Variants in NR0B1 observed in about 807,000 individuals in gnomAD.
NR0B1 encodes DSS-AHC critical region on the X chromosome protein 1.
Under a neutral mutation model 23.0 loss-of-function variants are expected in NR0B1, and 3 were observed. The ratio of observed to expected loss-of-function variants is 0.13; its 90% CI spans 0.06 to 0.34. The LOEUF (loss-of-function observed/expected upper bound fraction) is 0.34. NR0B1 is among the 10% of genes least tolerant of loss of function. NR0B1 has a pLI of 1.00. For missense variants in NR0B1, 350 were observed against 402.9 expected (o/e 0.87, Z 1.12); for synonymous variants, 205 against 184.0 (o/e 1.11, Z -0.92).
Position 30,308,595 on chromosome X carries a change from C to G in NR0B1, c.769G>C (p.Ala257Pro). Residue 257 changes from alanine (A) to proline (P), a missense_variant, in exon 1 of 2, where the codon GCA (alanine) becomes CCA (proline). This residue lies in a region of NR0B1 where 298 missense variants were observed against 314.0 expected (regional missense o/e 0.95). Coordinates refer to ENST00000378970, the MANE Select transcript of NR0B1 (RefSeq NM_000475.5). Reference protein sequence around the residue: ...ALKSPQVVCEAASAGLLKTLR... With the variant: ...ALKSPQVVCEPASAGLLKTLR... ...GTCTTCAACAGGCCCGCTGAGGCTG[C>G]CTCGCAGACCACCTGTGGACTCTTG... 8.3e-7 allele frequency: 1 copy of G among 1,208,378 alleles called. No individual in the cohort carries two copies. Among genetic ancestry groups the G allele is most frequent in the Non-Finnish European group, 1.1e-6 (1 of 894,605 alleles).
At position 30,304,657 on chromosome X, in the gene NR0B1, A is replaced by G; in HGVS notation, c.1335T>C (p.Ala445=). ...CGATGATGGGCCTGAAGAACAGTTC[A>G]GCAATGACATTGGCATTGATGAATC... ...LLRFINANVI[A]ELFFRPIIGT... is the part of the protein sequence containing the mutation. The change falls in exon 2 of 2, where the codon GCT becomes GCC. Residue 445 remains alanine (A), a synonymous_variant. Transcript: ENST00000378970. The G allele has an allele frequency of 8.3e-7, 1 of 1,210,138 alleles. No homozygotes were observed. The highest frequency in any genetic ancestry group is 1.1e-6 in the Non-Finnish European group (1 of 894,345).
At chrX:30,304,912 C>A in intron 1 of NR0B1, 89 bp from the exon 2 acceptor site, 1 of 1,082,003 alleles carries the variant, frequency 9.2e-7, no homozygotes, top group Non-Finnish European at 1.2e-6. Context: ...TGTTTCATCC[C>A]AATTAAACAA....
At chrX:30,306,577 A>ATGTGTGTGTGTGTGTGTG (rs58777171) in intron 1 of NR0B1, among the ~76,000 whole-genome samples, 19 of 92,335 alleles carry the variant, frequency 2.1e-4, no homozygotes, top group East Asian at 7.6e-4. Flanking sequence ...ATAAGGAAGA[A>ATGTGTGTGTGTGTGTGTG]TGTGTGTGTG....
rs772845875 is a variant in NR0B1 at position 30,304,373 on chromosome X, G to T, written c.*206C>A. The T allele has an allele frequency of 2.4e-6, 1 of 417,157 alleles. No homozygotes were observed. The highest frequency in any genetic ancestry group is 4.4e-5 in the East Asian group (1 of 22,739). The allele number at this position is 417,157 out of a possible 1,213,427, so 34.4% of individuals were successfully genotyped here. On this transcript the variant is annotated 3_prime_UTR_variant, in exon 2 of 2. Coordinates refer to ENST00000378970, the MANE Select transcript of NR0B1 (RefSeq NM_000475.5). ...AAAGATGTACAGAGCTATGCTACCT[G>T]TTGGCAAATGTCTTCTTTAACTATG...
chrX:30,304,996 T>C (rs1174546713), intron 1 of NR0B1, among the ~76,000 whole-genome samples, 173 bp from the exon 2 acceptor site: 1 of 112,712 alleles, frequency 8.9e-6, no homozygotes, highest in Non-Finnish European at 1.9e-5. Context: ...TGTCCAAGAA[T>C]GAAACATCAT....
chrX:30,308,085 C>T (rs1926556358), intron 1 of NR0B1, 111 bp downstream of exon 1: 1 of 624,301 alleles, frequency 1.6e-6, no homozygotes, highest in Non-Finnish European at 2.7e-6. Flanking sequence ...CACCTTTGCC[C>T]CGACACTCTC....
intron 1 of NR0B1, 69 bp downstream of exon 1, chrX:30,308,127 C>T: frequency 1.1e-6 from 1 of 898,794 alleles, no homozygotes; most frequent in Non-Finnish European, 1.6e-6. Context: ...CTGCCCGCGC[C>T]CCTAGATAGG....
In NR0B1 at chrX:30,308,376, C is replaced by T; in HGVS notation, c.988G>A (p.Gly330Ser). The change falls in exon 1 of 2, where the codon GGC (glycine) becomes AGC (serine). Residue 330 changes from glycine (G) to serine (S), a missense_variant. Transcript: ENST00000378970. ...GTGGGCACGGGCAGTGGCTCGTTGC[C>T]CCCGGTCTCCCGCCGCCTGGTGGTG... Reference protein sequence around the residue: ...ILTTRRRETGGNEPLPVPTLQ... With the variant: ...ILTTRRRETGSNEPLPVPTLQ... 1 of 1,209,678 alleles carries T rather than the reference C, an allele frequency of 8.3e-7. No homozygotes were observed. The highest frequency in any genetic ancestry group is 1.1e-6 in the Non-Finnish European group (1 of 894,353).
At chrX:30,305,607 A>C in intron 1 of NR0B1, 1 of 267,080 alleles carries the variant, frequency 3.7e-6, no homozygotes. Context: ...TTGTAATAGA[A>C]AACACATGAC....
Position 30,308,831 on chromosome X carries a change from G to C in NR0B1, c.533C>G (p.Ala178Gly). ...GGAWWDRSYF[A>G]QRPGGKEALP... ...CGCCTCTTTACCCCCTGGCCTCTGC[G>C]CGAAGTAGGAGCGGTCCCACCACGC... is the stretch of plus-strand genomic sequence containing the variant. The change falls in exon 1 of 2, where the codon GCG (alanine) becomes GGG (glycine). Residue 178 changes from alanine (A) to glycine (G), a missense_variant. By Grantham distance (60) the Ala-to-Gly change is moderately conservative. Around this residue, in one of 2 missense-constraint regions of NR0B1, gnomAD observed 298 missense variants for 314.0 expected, o/e 0.95. Transcript: ENST00000378970. The C allele has an allele frequency of 8.6e-7, 1 of 1,166,313 alleles. No individual in the cohort carries two copies. The highest frequency in any genetic ancestry group is 1.1e-6 in the Non-Finnish European group (1 of 873,142).
In NR0B1 at chrX:30,308,878, C is replaced by A; in HGVS notation, c.486G>T (p.Ala162=). ...SSKQTHVAPA[A]PEARPGGAWW... ...ACGCGCCCCCTGGCCGTGCCTCGGG[C>A]GCTGCCGGAGCCACGTGCGTTTGCT... The change falls in exon 1 of 2, where the codon GCG becomes GCT. Residue 162 remains alanine (A), a synonymous_variant. Transcript: ENST00000378970. The A allele has an allele frequency of 8.5e-7, 1 of 1,174,795 alleles. No homozygotes were observed. Among genetic ancestry groups the A allele is most frequent in the Non-Finnish European group, 1.1e-6 (1 of 876,315 alleles).
intron 1 of NR0B1, among the ~76,000 whole-genome samples, chrX:30,305,171 A>G (rs1194876543): frequency 8.9e-6 from 1 of 112,779 alleles, no homozygotes; most frequent in Non-Finnish European, 1.9e-5. Context: ...TGATATTTCA[A>G]GAGGTGGGCA....
chrX:30,308,990 G>A lies in NR0B1; in HGVS notation c.374C>T (p.Pro125Leu), dbSNP rs200931483. The part of the protein sequence containing the change: ...VGRAGLPGGR[P>L]VALLYRCCFC... ...GCAGCAGCGGTACAGGAGTGCCACGGGCCGCCCACCCGGAAGCCCCGCTCT... is the reference window on the plus strand; with the variant it reads ...GCAGCAGCGGTACAGGAGTGCCACGAGCCGCCCACCCGGAAGCCCCGCTCT... The change falls in exon 1 of 2, where the codon CCC becomes CTC. Residue 125 changes from proline (P) to leucine (L), a missense_variant. Pro to Leu is a moderately conservative substitution (Grantham distance 98). Coordinates refer to ENST00000378970, the MANE Select transcript of NR0B1 (RefSeq NM_000475.5). 5.0e-6 allele frequency: 6 copies of A among 1,201,429 alleles called. No individual in the cohort carries two copies. Among genetic ancestry groups the A allele is most frequent in the Non-Finnish European group, 6.7e-6 (6 of 892,345 alleles).
chrX:30,304,574 T>G lies in NR0B1; in HGVS notation c.*5A>C. On this transcript the variant is annotated 3_prime_UTR_variant, in exon 2 of 2. Transcript: ENST00000378970. ...CACTACTGCACTTGTGTGGCCCACA[T>G]GACTTTATATCTTTGTACAGAGCAT... is the stretch of plus-strand genomic sequence containing the variant. 2.5e-6 allele frequency: 3 copies of G among 1,211,741 alleles called. No homozygotes were observed. Among genetic ancestry groups the G allele is most frequent in the Non-Finnish European group, 3.4e-6 (3 of 895,365 alleles).
At chrX:30,308,154 T>C (rs757946796) in intron 1 of NR0B1, 42 bp downstream of exon 1, 9 of 1,103,917 alleles carry the variant, frequency 8.2e-6, no homozygotes, top group Middle Eastern at 2.4e-4. Flanking sequence ...CCGATGCTTT[T>C]GTGAGCTGGG....
At chrX:30,306,183 C>T (rs1926513595) in intron 1 of NR0B1, among the ~76,000 whole-genome samples, 1 of 111,108 alleles carries the variant, frequency 9.0e-6, no homozygotes, top group African/African-American at 3.3e-5. Flanking sequence ...TGAAGCTTCT[C>T]TAGGTCTAGA....
rs371576376 is a variant in NR0B1, at chrX:30,308,302, G to T, written c.1062C>A (p.Ser354=). 4 of 1,208,972 alleles carry T rather than the reference G, an allele frequency of 3.3e-6. No homozygotes were observed. The highest frequency in any genetic ancestry group is 4.5e-6 in the Non-Finnish European group (4 of 893,832). Residue 354 remains serine (S), a synonymous_variant, in exon 1 of 2, where the codon TCC becomes TCA. Transcript: ENST00000378970. Reference sequence around the variant, plus strand: ...ACTTGATGGCTTGGACCTGGGAGGCGGAGGGCACCTTCCTGGCCTCCGCCG... The same window carrying T: ...ACTTGATGGCTTGGACCTGGGAGGCTGAGGGCACCTTCCTGGCCTCCGCCG... ...APPAEARKVP[S]ASQVQAIKCF... is the part of the protein sequence containing the mutation.
chrX:30,309,031 A>G lies in NR0B1; in HGVS notation c.333T>C (p.Ser111=). 8.3e-7 allele frequency: 1 copy of G among 1,208,372 alleles called. No individual in the cohort carries two copies. Residue 111 remains serine, a synonymous_variant, in exon 1 of 2, where the codon TCT becomes TCC. Coordinates refer to ENST00000378970, the MANE Select transcript of NR0B1 (RefSeq NM_000475.5). ...GCCCCGCTCTGCCCACCCCGGGATC[A>G]GAGCCGCACGAACAGCCCCAGCACG... ...LGPCWGCSCG[S]DPGVGRAGLP... is the part of the protein sequence containing the mutation.
rs751178592 is a variant in NR0B1 at position 30,308,342 on chromosome X, T to C, written c.1022A>G (p.His341Arg). 6 of 1,210,137 alleles carry C rather than the reference T, an allele frequency of 5.0e-6. No homozygotes were observed. The African/African-American group carries it at 5.2e-5, about 11-fold the overall frequency. Reference protein sequence around the residue: ...NEPLPVPTLQHHLAPPAEARK... With the variant: ...NEPLPVPTLQRHLAPPAEARK... The stretch of plus-strand genomic sequence containing the variant: ...GGCCTCCGCCGGCGGTGCCAAATGG[T>C]GCTGCAGCGTGGGCACGGGCAGTGG... The change falls in exon 1 of 2, where the codon CAC (histidine) becomes CGC (arginine). Residue 341 changes from histidine (H) to arginine (R), a missense_variant. Transcript: ENST00000378970.
Sources: gnomAD v4.1 joint callset for allele counts (sites outside exome capture counted in the v4.1 genomes callset) on GRCh38, gnomAD v4.1.1 for gene constraint, gnomAD v4.1.1 regional missense constraint, MANE v1.5 for transcripts, NCBI Gene and HGNC (gene_info 2026-07-23, HGNC 2026-07-21) for gene names.